CNTNAP2: variants seen among roughly 807,000 people sequenced by gnomAD.
The protein encoded by CNTNAP2 is contactin associated protein 2, also known as contactin-associated protein-like 2.
In CNTNAP2, 98 loss-of-function variants were observed where a neutral mutation model predicts 155.2. The ratio of observed to expected loss-of-function variants is 0.63; its 90% confidence interval spans 0.54 to 0.75. The LOEUF is 0.75. CNTNAP2 is among the 30% of genes least tolerant of loss of function. The pLI is 0.00. For synonymous variants in CNTNAP2, 651 were observed against 631.2 expected, an observed-to-expected ratio of 1.03 and a Z score of -0.47; for missense variants, 1,727 against 1,688.1, an observed-to-expected ratio of 1.02 and a Z score of -0.40.
intron 4 of CNTNAP2, among the ~76,000 whole-genome samples, chr7:147,095,586 G>T (rs1800514530): frequency 6.6e-6 from 1 of 151,852 alleles, no homozygotes; most frequent in African/African-American, 2.4e-5. Context: ...AGTTTCAGAT[G>T]TATGTTGTTT....
At chr7:148,225,574 G>A (rs1795830146) in intron 19 of CNTNAP2, among the ~76,000 whole-genome samples, 1 of 152,160 alleles carries the variant, frequency 6.6e-6, no homozygotes, top group African/African-American at 2.4e-5. Context: ...CTCTGAGACG[G>A]GGAGTTACTG....
At chr7:147,720,374 T>C (rs1462805109) in intron 13 of CNTNAP2, among the ~76,000 whole-genome samples, 1 of 152,152 alleles carries the variant, frequency 6.6e-6, no homozygotes, top group Non-Finnish European at 1.5e-5. Context: ...TTTCCTTTCT[T>C]TCTGTTGTGT....
At chr7:147,379,483 G>T (rs1796496369) in intron 9 of CNTNAP2, among the ~76,000 whole-genome samples, 1 of 151,952 alleles carries the variant, frequency 6.6e-6, no homozygotes, top group African/African-American at 2.4e-5. Context: ...TCCAGAGAGG[G>T]GTTACACTTT....
intron 2 of CNTNAP2, among the ~76,000 whole-genome samples, chr7:146,824,698 C>T (rs1022175681): frequency 6.6e-6 from 1 of 151,864 alleles, no homozygotes; most frequent in Admixed American, 6.6e-5. Context: ...GATTCTAGTC[C>T]AGTATGCTTT....
intron 4 of CNTNAP2, among the ~76,000 whole-genome samples, chr7:147,084,322 A>G (rs1290883428): frequency 2.7e-5 from 1 of 37,504 alleles, no homozygotes; most frequent in Non-Finnish European, 4.3e-5. Context: ...CCATATATGC[A>G]TAATGCTATA....
At chr7:146,338,037 T>C (rs575741063) in intron 1 of CNTNAP2, among the ~76,000 whole-genome samples, 1 of 152,262 alleles carries the variant, frequency 6.6e-6, no homozygotes, top group African/African-American at 2.4e-5. Flanking sequence ...AGATGGCCTT[T>C]TCAACCCTCT....
intron 1 of CNTNAP2, among the ~76,000 whole-genome samples, chr7:146,181,341 A>G (rs1798546062): frequency 6.6e-6 from 1 of 152,114 alleles, no homozygotes; most frequent in Non-Finnish European, 1.5e-5. Flanking sequence ...CTTAATATTT[A>G]TTGGCTTTAG....
At chr7:147,710,783 C>T (rs981334010) in intron 13 of CNTNAP2, among the ~76,000 whole-genome samples, 1 of 152,132 alleles carries the variant, frequency 6.6e-6, no homozygotes, top group Non-Finnish European at 1.5e-5. Context: ...GAACAGATGG[C>T]TTATAAGAAC....
At chr7:147,344,022 G>A (rs1348060192) in intron 9 of CNTNAP2, among the ~76,000 whole-genome samples, 3 of 152,086 alleles carry the variant, frequency 2.0e-5, no homozygotes, top group African/African-American at 7.2e-5. Context: ...AATCAACACT[G>A]GTGTTCATAT....
At chr7:146,395,186 A>T (rs1250316841) in intron 1 of CNTNAP2, among the ~76,000 whole-genome samples, 35 of 152,176 alleles carry the variant, frequency 2.3e-4, no homozygotes, top group Admixed American at 2.3e-3. Context: ...TGCCATTGTG[A>T]ATAGTGCTGC....
At chr7:147,147,353 G>A (rs2129288624) in intron 8 of CNTNAP2, among the ~76,000 whole-genome samples, 1 of 152,194 alleles carries the variant, frequency 6.6e-6, no homozygotes, top group African/African-American at 2.4e-5. Flanking sequence ...AACCATATCA[G>A]TATATAAATC....
intron 13 of CNTNAP2, among the ~76,000 whole-genome samples, chr7:147,706,372 T>C (rs957889916): frequency 6.6e-6 from 1 of 152,092 alleles, no homozygotes; most frequent in Non-Finnish European, 1.5e-5. Context: ...TATTTCTCCT[T>C]CATTTATGAA....
intron 21 of CNTNAP2, among the ~76,000 whole-genome samples, chr7:148,287,371 A>G (rs56726327): frequency 0.13 from 20,518 of 152,232 alleles, 1,670 homozygotes; most frequent in African/African-American, 0.23. Flanking sequence ...TCAATAAACA[A>G]AAACAATTGT....
At chr7:146,721,332 C>CTATATACATTCTA (rs1416706512) in intron 1 of CNTNAP2, among the ~76,000 whole-genome samples, 1 of 129,456 alleles carries the variant, frequency 7.7e-6, no homozygotes, top group African/African-American at 2.9e-5. Context: ...TATATACATT[C>CTATATACATTCTA]TATATACATT....
At chr7:147,177,336 G>C (rs1475164200) in intron 8 of CNTNAP2, among the ~76,000 whole-genome samples, 2 of 152,052 alleles carry the variant, frequency 1.3e-5, no homozygotes, top group African/African-American at 4.8e-5. Context: ...CTGATAGTAA[G>C]TTCTCACGAG....
chr7:146,342,985 G>A (rs930577105), intron 1 of CNTNAP2, among the ~76,000 whole-genome samples: 24 of 152,158 alleles, frequency 1.6e-4, no homozygotes, highest in African/African-American at 5.3e-4. Flanking sequence ...GGAGTCATGA[G>A]CAATAGGCAT....
At chr7:147,199,738 G>A (rs536723291) in intron 8 of CNTNAP2, among the ~76,000 whole-genome samples, 2 of 151,912 alleles carry the variant, frequency 1.3e-5, no homozygotes, top group Non-Finnish European at 2.9e-5. Context: ...ACACTGGCAT[G>A]CTTCCTTGAG....
chr7:147,607,295 G>A (rs974256665), intron 12 of CNTNAP2, among the ~76,000 whole-genome samples: 1 of 151,992 alleles, frequency 6.6e-6, no homozygotes, highest in Non-Finnish European at 1.5e-5. Flanking sequence ...AGAGACTTTG[G>A]TTCACCTTTA....
chr7:148,123,663 G>A (rs188697221), intron 16 of CNTNAP2, among the ~76,000 whole-genome samples: 1 of 147,826 alleles, frequency 6.8e-6, no homozygotes, highest in Admixed American at 6.8e-5. Flanking sequence ...AAGGAAGGAA[G>A]GAAGGAAGGA....
Sources: gnomAD v4.1 joint callset for allele counts (sites outside exome capture counted in the v4.1 genomes callset) on GRCh38, gnomAD v4.1.1 for gene constraint, MANE v1.5 for transcripts, NCBI Gene and HGNC (gene_info 2026-07-23, HGNC 2026-07-21) for gene names.